Variants in SORCS3 observed in about 807,000 individuals in gnomAD.
The protein encoded by SORCS3 is VPS10 domain-containing receptor SorCS3.
SORCS3 carries 57 observed loss-of-function variants against 146.3 expected under a neutral mutation model. The observed-to-expected ratio is 0.39, with a 90% confidence interval of 0.31 to 0.49. The LOEUF is 0.49. Ranked by LOEUF, SORCS3 falls within the 20% of genes least tolerant of loss-of-function variation. The pLI is 0.92. For missense variants in SORCS3, 1,341 were observed against 1,575.5 expected, an observed-to-expected ratio of 0.85 and a Z score of 2.52; for synonymous variants, 653 against 618.5, an observed-to-expected ratio of 1.06 and a Z score of -0.83.
intron 5 of SORCS3, among the ~76,000 whole-genome samples, chr10:105,048,877 T>A (rs1243842508): frequency 6.6e-6 from 1 of 152,120 alleles, no homozygotes; most frequent in Non-Finnish European, 1.5e-5. Flanking sequence ...TAATGTTCTA[T>A]CCTTACAATT....
At chr10:104,657,379 G>A (rs72813603) in intron 1 of SORCS3, among the ~76,000 whole-genome samples, 5,265 of 152,292 alleles carry the variant, frequency 0.035, 112 homozygotes, top group Middle Eastern at 0.075. Flanking sequence ...TTTGCAGCAG[G>A]TAAAATCAAT....
At chr10:104,673,218 G>A (rs1589453437) in intron 1 of SORCS3, among the ~76,000 whole-genome samples, 1 of 152,038 alleles carries the variant, frequency 6.6e-6, no homozygotes, top group East Asian at 1.9e-4. Flanking sequence ...TCCAATCTCT[G>A]CTTTTGATTG....
At chr10:105,052,955 G>A (rs888275234) in intron 5 of SORCS3, among the ~76,000 whole-genome samples, 1 of 152,138 alleles carries the variant, frequency 6.6e-6, no homozygotes, top group African/African-American at 2.4e-5. Context: ...CCACAGACTG[G>A]TTCCAGGCTT....
intron 7 of SORCS3, among the ~76,000 whole-genome samples, chr10:105,134,508 T>A (rs186409623): frequency 1.3e-3 from 191 of 151,360 alleles, no homozygotes; most frequent in African/African-American, 4.3e-3. Context: ...AGATAATGCC[T>A]TGAATACTGA....
chr10:105,238,217 T>C (rs187395410), intron 20 of SORCS3, among the ~76,000 whole-genome samples: 54 of 152,342 alleles, frequency 3.5e-4, no homozygotes, highest in African/African-American at 1.2e-3. Context: ...GGATCTTTTT[T>C]AAGAGCCTGT....
intron 20 of SORCS3, among the ~76,000 whole-genome samples, chr10:105,242,946 T>G (rs1372451281): frequency 5.0e-5 from 6 of 120,906 alleles, no homozygotes; most frequent in Non-Finnish European, 9.6e-5. Context: ...ATATATAATA[T>G]ATGATATATA....
At chr10:104,892,274 A>G (rs2018756853) in intron 2 of SORCS3, among the ~76,000 whole-genome samples, 1 of 152,182 alleles carries the variant, frequency 6.6e-6, no homozygotes, top group African/African-American at 2.4e-5. Context: ...GGGATTAGGT[A>G]TTATTTTGGC....
intron 7 of SORCS3, among the ~76,000 whole-genome samples, chr10:105,106,290 C>G (rs2055821351): frequency 6.6e-6 from 1 of 152,192 alleles, no homozygotes; most frequent in African/African-American, 2.4e-5. Context: ...TTTGAAAACT[C>G]CCTGAGTTGG....
intron 5 of SORCS3, among the ~76,000 whole-genome samples, chr10:105,083,194 A>G (rs1165862236): frequency 1.4e-5 from 2 of 141,804 alleles, no homozygotes; most frequent in African/African-American, 5.2e-5. Context: ...TGTTTACATT[A>G]GCAATAATAA....
At chr10:104,774,414 C>A (rs1336186221) in intron 1 of SORCS3, among the ~76,000 whole-genome samples, 1 of 152,168 alleles carries the variant, frequency 6.6e-6, no homozygotes, top group African/African-American at 2.4e-5. Context: ...TGTGTCGACG[C>A]TGCCATTTCC....
In SORCS3 at chr10:104,709,896, GT is replaced by G. The variant is rs566802425; in HGVS notation, c.627+67955del. On this transcript the variant is annotated intron_variant, in intron 1 of 26. Transcript: ENST00000369701. The stretch of plus-strand genomic sequence containing the variant: ...AACACAAACTCAGGCAGTGGTGTTG[GT>G]TTTTTTTTTTTTAATTAAAAAAATT... Among the ~76,000 whole-genome samples, 1,266 of 142,202 alleles carry G rather than the reference GT, an allele frequency of 8.9e-3. 11 individuals carry two copies. Among genetic ancestry groups the G allele is most frequent in the African/African-American group, 0.027 (1,071 of 39,116 alleles). The allele number at this position is 142,202 out of a possible 152,430, so 93.3% of individuals were successfully genotyped here.
chr10:105,134,742 A>G (rs1281623198), intron 7 of SORCS3, among the ~76,000 whole-genome samples: 2 of 152,164 alleles, frequency 1.3e-5, no homozygotes, highest in Non-Finnish European at 2.9e-5. Flanking sequence ...GGCCCATAGC[A>G]TTCCATCCAT....
At chr10:105,075,617 C>A (rs2055583712) in intron 5 of SORCS3, among the ~76,000 whole-genome samples, 1 of 152,124 alleles carries the variant, frequency 6.6e-6, no homozygotes, top group African/African-American at 2.4e-5. Context: ...TTTTAATATA[C>A]TTGCTTCATT....
chr10:105,160,393 G>A (rs911390332), intron 11 of SORCS3, among the ~76,000 whole-genome samples: 1 of 152,132 alleles, frequency 6.6e-6, no homozygotes, highest in Non-Finnish European at 1.5e-5. Context: ...TTGGGAGGCC[G>A]AGGCAGGTGG....
At chr10:104,857,429 T>G (rs1443723719) in intron 2 of SORCS3, among the ~76,000 whole-genome samples, 1 of 152,170 alleles carries the variant, frequency 6.6e-6, no homozygotes, top group East Asian at 1.9e-4. Context: ...AGGAATAGTT[T>G]GCACAATGTT....
At chr10:105,217,754 A>G (rs2056673936) in intron 19 of SORCS3, 2 of 451,476 alleles carry the variant, frequency 4.4e-6, no homozygotes, top group East Asian at 7.0e-5. Context: ...TGGTGTTCCA[A>G]AATATTTCAT....
At chr10:104,976,823 A>G (rs2054900604) in intron 3 of SORCS3, among the ~76,000 whole-genome samples, 1 of 150,836 alleles carries the variant, frequency 6.6e-6, no homozygotes, top group Admixed American at 6.6e-5. Flanking sequence ...AAAACCAAAC[A>G]CCGCATATTC....
chr10:105,134,084 G>A (rs1315446902), intron 7 of SORCS3, among the ~76,000 whole-genome samples: 1 of 152,180 alleles, frequency 6.6e-6, no homozygotes, highest in Non-Finnish European at 1.5e-5. Flanking sequence ...AAAGATGTTG[G>A]AATCAAGATA....
At chr10:104,695,952 A>C (rs1426954375) in intron 1 of SORCS3, among the ~76,000 whole-genome samples, 1 of 144,920 alleles carries the variant, frequency 6.9e-6, no homozygotes, top group Admixed American at 7.1e-5. Context: ...TATAATATAT[A>C]TATTATATAC....
Sources: allele counts gnomAD v4.1 joint callset (sites outside exome capture counted in the v4.1 genomes callset), GRCh38; gene constraint gnomAD v4.1.1; transcripts MANE v1.5; gene names NCBI Gene and HGNC (gene_info 2026-07-23, HGNC 2026-07-21).